The following CHIC2 variants were observed in gnomAD, a reference collection of about 807,000 sequenced individuals.
The protein encoded by CHIC2 is cysteine rich hydrophobic domain 2, also known as cysteine-rich hydrophobic domain-containing protein 2.
In CHIC2, 14 loss-of-function variants were observed where a neutral mutation model predicts 25.9. The observed-to-expected ratio is 0.54, with a 90% CI of 0.36 to 0.85. The LOEUF is 0.85. Among genes scored for constraint, CHIC2 ranks in the 40% least tolerant of loss-of-function variants. The probability of loss-of-function intolerance (pLI) is 0.01; values close to 1 mark genes in which losing one functional copy is unlikely to be tolerated. For missense variants in CHIC2, 146 were observed against 202.0 expected, an observed-to-expected ratio of 0.72 and a Z score of 1.68; for synonymous variants, 70 against 72.0, an observed-to-expected ratio of 0.97 and a Z score of 0.14.
At chr4:54,074,686 A>AT in the CHIC2 span, among the ~76,000 whole-genome samples, 64 of 150,286 alleles carry the variant, frequency 4.3e-4, no homozygotes, top group African/African-American at 1.5e-3. Flanking sequence ...TATTTATGTG[A>AT]TTTTTTTTCT....
chr4:54,021,842 A>G (rs1208281381), intron 3 of CHIC2, among the ~76,000 whole-genome samples: 1 of 152,136 alleles, frequency 6.6e-6, no homozygotes, highest in Admixed American at 6.5e-5. Context: ...CATTAAAAAA[A>G]GCTCCAGAAA....
chr4:54,068,255 C>A (rs1451432270), upstream of CHIC2, among the ~76,000 whole-genome samples: 1 of 152,074 alleles, frequency 6.6e-6, no homozygotes, highest in Non-Finnish European at 1.5e-5. Context: ...ATATCCTAGC[C>A]CTCAAGGTGA....
At chr4:54,058,934 C>T (rs967823115) in intron 1 of CHIC2, among the ~76,000 whole-genome samples, 3 of 152,074 alleles carry the variant, frequency 2.0e-5, no homozygotes, top group Non-Finnish European at 2.9e-5. Context: ...CTTAGCTAGT[C>T]ATATAAAATT....
Position 54,049,232 on chromosome 4 carries a change from A to G in CHIC2, c.174+19T>C. 2 of 1,596,718 alleles carry G rather than the reference A, an allele frequency of 1.3e-6. No individual in the cohort carries two copies. ...TTTCATTTTGAGGCATACAAATAGT[A>G]CATAAATGAGACACTCACTTTTCCA... On this transcript the variant is annotated intron_variant, in intron 2 of 5. Coordinates refer to ENST00000263921, the MANE Select transcript of CHIC2 (RefSeq NM_012110.4).
intron 3 of CHIC2, among the ~76,000 whole-genome samples, chr4:54,043,723 A>G (rs1394234966): frequency 6.6e-6 from 1 of 152,168 alleles, no homozygotes; most frequent in Non-Finnish European, 1.5e-5. Flanking sequence ...AGACCATCAA[A>G]GCTAGGAAGA....
intron 3 of CHIC2, among the ~76,000 whole-genome samples, chr4:54,019,427 T>TAAA (rs1330950613): frequency 5.9e-5 from 9 of 151,964 alleles, no homozygotes; most frequent in Non-Finnish European, 1.3e-4. Flanking sequence ...AGAAATACGC[T>TAAA]AAAAAAAATT....
At chr4:54,084,842 C>T in the CHIC2 span, among the ~76,000 whole-genome samples, 1 of 151,558 alleles carries the variant, frequency 6.6e-6, no homozygotes, top group Admixed American at 6.6e-5. Context: ...TACCTGCAAT[C>T]TCAGCTACTC....
At chr4:54,046,837 G>A (rs941251332) in intron 3 of CHIC2, among the ~76,000 whole-genome samples, 2 of 152,184 alleles carry the variant, frequency 1.3e-5, no homozygotes, top group African/African-American at 4.8e-5. Flanking sequence ...CACAGCAAAA[G>A]AAACTACCAT....
At chr4:54,014,236 T>C (rs1715678595) in intron 3 of CHIC2, 117 bp from the exon 4 acceptor site, 1 of 735,948 alleles carries the variant, frequency 1.4e-6, no homozygotes. Context: ...TATAGTGTGG[T>C]GTGCATCACT....
chr4:54,022,236 C>A (rs1419631737), intron 3 of CHIC2, among the ~76,000 whole-genome samples: 1 of 152,174 alleles, frequency 6.6e-6, no homozygotes, highest in Admixed American at 6.5e-5. Flanking sequence ...CCAAGGCTCT[C>A]TGACTGACTT....
intron 5 of CHIC2, 112 bp downstream of exon 5, chr4:54,013,725 G>A (rs913299312): frequency 8.1e-5 from 81 of 1,000,842 alleles, no homozygotes; most frequent in Non-Finnish European, 1.2e-4. Context: ...TTGCACTCAG[G>A]AGATTAAGCT....
chr4:54,026,937 C>T (rs748346601), intron 3 of CHIC2, among the ~76,000 whole-genome samples: 7 of 152,038 alleles, frequency 4.6e-5, no homozygotes, highest in African/African-American at 7.2e-5. Flanking sequence ...TTTTGTAAAT[C>T]GAACTTTTTT....
chr4:54,017,927 G>A (rs1338812294), intron 3 of CHIC2, among the ~76,000 whole-genome samples: 2 of 152,114 alleles, frequency 1.3e-5, no homozygotes, highest in Non-Finnish European at 2.9e-5. Context: ...ATTCAGCTTT[G>A]TGAAAGTAAA....
the CHIC2 span, among the ~76,000 whole-genome samples, chr4:54,081,029 G>T: frequency 7.1e-6 from 1 of 140,612 alleles, no homozygotes; most frequent in Non-Finnish European, 1.5e-5. Flanking sequence ...ATTTTTATTT[G>T]TCAATTAAAT....
chr4:54,087,465 T>C, the CHIC2 span: 12 of 782,062 alleles, frequency 1.5e-5, no homozygotes, highest in Non-Finnish European at 2.3e-5. Flanking sequence ...GTTAATGAAA[T>C]TGTGACAAGA....
At chr4:54,024,778 G>C (rs2110066541) in intron 3 of CHIC2, among the ~76,000 whole-genome samples, 1 of 152,272 alleles carries the variant, frequency 6.6e-6, no homozygotes. Flanking sequence ...CCAACTCTCA[G>C]TCCTTTAATA....
At chr4:54,061,520 A>T (rs550239334) in intron 1 of CHIC2, among the ~76,000 whole-genome samples, 81 of 147,722 alleles carry the variant, frequency 5.5e-4, no homozygotes, top group African/African-American at 1.9e-3. Flanking sequence ...AGCACCTAAT[A>T]AAAAAAAAAG....
At chr4:54,029,924 A>G (rs1483949128) in intron 3 of CHIC2, among the ~76,000 whole-genome samples, 1 of 152,224 alleles carries the variant, frequency 6.6e-6, no homozygotes, top group African/African-American at 2.4e-5. Flanking sequence ...ACAAAACTTT[A>G]CTATTCACTT....
chr4:54,083,245 C>G, the CHIC2 span, among the ~76,000 whole-genome samples: 11 of 151,882 alleles, frequency 7.2e-5, no homozygotes, highest in East Asian at 2.1e-3. Context: ...GAACTCCTGA[C>G]CTCAGGTGAT....
Sources: gnomAD v4.1 joint callset for allele counts (sites outside exome capture counted in the v4.1 genomes callset) on GRCh38, gnomAD v4.1.1 for gene constraint, MANE v1.5 for transcripts, NCBI Gene and HGNC (gene_info 2026-07-23, HGNC 2026-07-21) for gene names.